The following MACROD2 variants were observed in gnomAD, a reference collection of about 807,000 sequenced individuals.
MACROD2 encodes mono-ADP ribosylhydrolase 2.
In MACROD2, 36 loss-of-function variants were observed where a neutral mutation model predicts 70.4. The ratio of observed to expected loss-of-function variants is 0.51; its 90% CI spans 0.39 to 0.68. MACROD2 has a LOEUF of 0.68. MACROD2 is among the 30% of genes least tolerant of loss of function. MACROD2 has a pLI of 0.00. For synonymous variants in MACROD2, 172 were observed against 178.8 expected (o/e 0.96, Z 0.30); for missense variants, 496 against 538.4 (o/e 0.92, Z 0.78).
intron 3 of MACROD2, among the ~76,000 whole-genome samples, chr20:14,388,831 ACT>A (rs1447714979): frequency 1.3e-5 from 2 of 152,056 alleles, no homozygotes; most frequent in East Asian, 1.9e-4. Context: ...ATCACACTAA[ACT>A]CAGTGAAAAA....
intron 5 of MACROD2, among the ~76,000 whole-genome samples, chr20:14,834,753 G>T (rs1195947560): frequency 6.6e-6 from 1 of 151,886 alleles, no homozygotes; most frequent in Non-Finnish European, 1.5e-5. Flanking sequence ...TTAGATTTCA[G>T]TGTTATCAGG....
chr20:14,905,059 T>C (rs2073942539), intron 5 of MACROD2: 1 of 152,184 alleles, frequency 6.6e-6, no homozygotes, highest in Admixed American at 6.5e-5. Flanking sequence ...GCAGCTTTAT[T>C]GTTGTTAAAG....
chr20:14,876,247 T>G (rs542881687), intron 5 of MACROD2, among the ~76,000 whole-genome samples: 1 of 27,298 alleles, frequency 3.7e-5, no homozygotes, highest in South Asian at 1.2e-3. Flanking sequence ...TTTTTTCATA[T>G]TTTTTGGCTG....
At chr20:15,251,316 T>C (rs1601301365) in intron 6 of MACROD2, among the ~76,000 whole-genome samples, 1 of 152,190 alleles carries the variant, frequency 6.6e-6, no homozygotes, top group African/African-American at 2.4e-5. Context: ...CATGTCTTTG[T>C]TCATTCCTCA....
intron 3 of MACROD2, among the ~76,000 whole-genome samples, chr20:14,138,841 TTTGA>T (rs952136837): frequency 1.2e-4 from 18 of 151,720 alleles, no homozygotes; most frequent in African/African-American, 3.6e-4. Context: ...TGCTAATTAG[TTTGA>T]TTGTGGAAAT....
chr20:14,256,437 T>C (rs1227856125), intron 3 of MACROD2, among the ~76,000 whole-genome samples: 1 of 152,172 alleles, frequency 6.6e-6, no homozygotes, highest in Non-Finnish European at 1.5e-5. Context: ...TACATGATTA[T>C]TGATTTATAT....
chr20:14,167,690 A>T (rs1168142941), intron 3 of MACROD2, among the ~76,000 whole-genome samples: 8 of 152,142 alleles, frequency 5.3e-5, no homozygotes, highest in African/African-American at 1.9e-4. Flanking sequence ...CACACGGCCT[A>T]AAATGTTTTT....
At chr20:14,997,114 G>C (rs562852959) in intron 5 of MACROD2, among the ~76,000 whole-genome samples, 1 of 152,122 alleles carries the variant, frequency 6.6e-6, no homozygotes, top group African/African-American at 2.4e-5. Flanking sequence ...AGGCAGTGCA[G>C]CTCACAGCAC....
At chr20:14,034,588 A>G (rs369833859) in intron 2 of MACROD2, among the ~76,000 whole-genome samples, 12 of 152,334 alleles carry the variant, frequency 7.9e-5, no homozygotes, top group African/African-American at 2.9e-4. Flanking sequence ...CTCAGCACCA[A>G]CACTGGATTA....
intron 9 of MACROD2, among the ~76,000 whole-genome samples, chr20:15,878,532 CG>C: frequency 6.6e-6 from 1 of 152,122 alleles, no homozygotes; most frequent in South Asian, 2.1e-4. Flanking sequence ...TAAAGTTCTA[CG>C]GGGTTTTCTT....
At chr20:15,932,938 T>C (rs1270069495) in intron 10 of MACROD2, among the ~76,000 whole-genome samples, 1 of 152,196 alleles carries the variant, frequency 6.6e-6, no homozygotes, top group African/African-American at 2.4e-5. Context: ...TGCATGTTAC[T>C]TAAGTCAAGG....
chr20:15,664,550 G>T (rs1333548363), intron 8 of MACROD2, among the ~76,000 whole-genome samples: 1 of 152,124 alleles, frequency 6.6e-6, no homozygotes, highest in Admixed American at 6.5e-5. Flanking sequence ...GGCTGGCTGG[G>T]GTTGGCTGAC....
At chr20:14,871,748 A>G (rs184353630) in intron 5 of MACROD2, among the ~76,000 whole-genome samples, 1 of 152,266 alleles carries the variant, frequency 6.6e-6, no homozygotes, top group East Asian at 1.9e-4. Context: ...AAGAAAGAAG[A>G]TCATAGATAT....
chr20:13,995,845 T>TGGGGGGGGGG lies in MACROD2; in HGVS notation c.46+41_46+42insGGGGGGGGGG. ...CGTCGAGTCCTGGGGGTGCGGGCGG[T>TGGGGGGGGGG]GGGGGTTAGGGTGGGGGCGGGGGTC... On this transcript the variant is annotated intron_variant, in intron 1 of 17. Transcript: ENST00000684519. The surrounding 1 kb of genome is among the most constrained non-coding windows in gnomAD (Gnocchi z 4.3). 1 of 298,374 alleles carries TGGGGGGGGGG rather than the reference T, an allele frequency of 3.4e-6. No homozygotes were observed. Among genetic ancestry groups the TGGGGGGGGGG allele is most frequent in the Non-Finnish European group, 6.2e-6 (1 of 160,996 alleles). 18.5% of individuals were successfully genotyped at this position (298,374 alleles called of 1,614,324 possible).
chr20:15,654,219 A>G (rs16996281), intron 8 of MACROD2, among the ~76,000 whole-genome samples: 3,634 of 152,322 alleles, frequency 0.024, 178 homozygotes, highest in East Asian at 0.2. Context: ...TGAAAAGTCA[A>G]GAGCATCACC....
In MACROD2 at chr20:15,541,907, A is replaced by G. The variant is rs565484266; in HGVS notation, c.645+42060A>G. Among the ~76,000 whole-genome samples, 721 of 152,270 alleles carry G rather than the reference A, an allele frequency of 4.7e-3. 8 individuals are homozygous for G. Among genetic ancestry groups the G allele is most frequent in the African/African-American group, 0.017 (693 of 41,540 alleles). ...CCCCACTACACCACATGGGAATGTT[A>G]TGGTTGCTAAGAAGCACAAATGATG... On this transcript the variant is annotated intron_variant, in intron 8 of 17. Coordinates refer to ENST00000684519, the MANE Select transcript of MACROD2 (RefSeq NM_001351661.2).
intron 3 of MACROD2, among the ~76,000 whole-genome samples, chr20:14,238,414 A>G (rs946938611): frequency 1.3e-5 from 2 of 152,230 alleles, no homozygotes; most frequent in Admixed American, 6.5e-5. Context: ...AATTCAAAAT[A>G]ATAAGAACTA....
intron 2 of MACROD2, among the ~76,000 whole-genome samples, chr20:14,060,935 C>T (rs181874644): frequency 5.9e-4 from 90 of 152,102 alleles, no homozygotes; most frequent in South Asian, 1.2e-3. Context: ...TCCTTAGGTA[C>T]CTCGTGTCTT....
chr20:15,530,734 A>G (rs1336625111), intron 8 of MACROD2, among the ~76,000 whole-genome samples: 1 of 151,698 alleles, frequency 6.6e-6, no homozygotes, highest in African/African-American at 2.4e-5. Context: ...AAAAAAAAAA[A>G]AGATACTATG....
Sources: allele counts gnomAD v4.1 joint callset (sites outside exome capture counted in the v4.1 genomes callset), GRCh38; gene constraint gnomAD v4.1.1; non-coding constraint Gnocchi (gnomAD v3.1); transcripts MANE v1.5; gene names NCBI Gene and HGNC (gene_info 2026-07-23, HGNC 2026-07-21).